The following ARHGAP28 variants were observed in gnomAD, a reference collection of about 807,000 sequenced individuals.
The protein encoded by ARHGAP28 is Rho GTPase activating protein 28, also known as rho GTPase-activating protein 28.
ARHGAP28 carries 56 observed loss-of-function variants against 90.7 expected under a neutral mutation model. That is an observed-to-expected ratio of 0.62 (90% CI 0.50 to 0.77). The LOEUF (loss-of-function observed/expected upper bound fraction) is 0.77, where lower values mean the gene tolerates loss of function less well. ARHGAP28 is among the 30% of genes least tolerant of loss of function. ARHGAP28 has a pLI of 0.00. For missense variants in ARHGAP28, 869 were observed against 900.9 expected (o/e 0.96, Z 0.45); for synonymous variants, 308 against 323.3 (o/e 0.95, Z 0.51).
chr18:6,850,791 C>A (rs912875027), intron 3 of ARHGAP28: 2 of 1,515,912 alleles, frequency 1.3e-6, no homozygotes, highest in South Asian at 1.2e-5. Flanking sequence ...TGGGTTTTGG[C>A]AGGAAGCTAG....
At chr18:6,898,455 G>A in intron 16 of ARHGAP28, 1 of 1,605,528 alleles carries the variant, frequency 6.2e-7, no homozygotes, top group Non-Finnish European at 8.5e-7. Flanking sequence ...CTGGCAGCGA[G>A]CTGCACTTTC....
At chr18:6,843,175 A>G (rs1009914080) in intron 3 of ARHGAP28, among the ~76,000 whole-genome samples, 8 of 151,940 alleles carry the variant, frequency 5.3e-5, no homozygotes, top group Non-Finnish European at 1.0e-4. Context: ...ATAAATTGCT[A>G]TATTTCCTTT....
intron 5 of ARHGAP28, among the ~76,000 whole-genome samples, chr18:6,867,813 T>C (rs2057049350): frequency 6.6e-6 from 1 of 152,214 alleles, no homozygotes; most frequent in African/African-American, 2.4e-5. Context: ...AATTTCTACA[T>C]CTTAGCAAAG....
intron 1 of ARHGAP28, among the ~76,000 whole-genome samples, chr18:6,796,482 T>C (rs56697203): frequency 0.19 from 28,963 of 151,982 alleles, 3,217 homozygotes; most frequent in African/African-American, 0.3. Flanking sequence ...TCTGTAACAA[T>C]AGCCGTTTTA....
chr18:6,841,720 C>T (rs973690846), intron 3 of ARHGAP28, among the ~76,000 whole-genome samples: 2 of 151,906 alleles, frequency 1.3e-5, no homozygotes, highest in Non-Finnish European at 2.9e-5. Context: ...CAATCCTGTT[C>T]CTTTACATAA....
intron 14 of ARHGAP28, 134 bp from the exon 15 acceptor site, chr18:6,894,701 A>T: frequency 1.5e-6 from 1 of 673,016 alleles, no homozygotes; most frequent in Non-Finnish European, 2.6e-6. Context: ...CTGTTGGATT[A>T]AAGTGCATAT....
At chr18:6,789,090 G>A (rs1020410879) in intron 1 of ARHGAP28, 10 of 152,224 alleles carry the variant, frequency 6.6e-5, no homozygotes, top group Admixed American at 3.3e-4. Flanking sequence ...AAATGCCGCA[G>A]TTCATGACTT....
intron 3 of ARHGAP28, among the ~76,000 whole-genome samples, chr18:6,846,713 T>C (rs959790960): frequency 6.6e-6 from 1 of 152,136 alleles, no homozygotes; most frequent in Non-Finnish European, 1.5e-5. Context: ...AGAGGGCAAG[T>C]CAGAGCAGAC....
intron 1 of ARHGAP28, among the ~76,000 whole-genome samples, chr18:6,813,386 T>TA (rs1345255920): frequency 6.6e-6 from 1 of 152,204 alleles, no homozygotes. Context: ...ACATAGCCAG[T>TA]GTATTTGGTC....
At chr18:6,879,482 A>G (rs1488461665) in intron 10 of ARHGAP28, among the ~76,000 whole-genome samples, 1 of 152,196 alleles carries the variant, frequency 6.6e-6, no homozygotes, top group African/African-American at 2.4e-5. Context: ...CTGAACCTCT[A>G]AGTGCTCCCC....
At chr18:6,827,604 C>T (rs2056679767) in intron 2 of ARHGAP28, among the ~76,000 whole-genome samples, 1 of 145,870 alleles carries the variant, frequency 6.9e-6, no homozygotes, top group Admixed American at 6.7e-5. Flanking sequence ...ACCCCCACCT[C>T]CCTCCGAGAC....
Position 6,890,412 on chromosome 18 carries a change from G to A in ARHGAP28, c.1735-18G>A, listed in dbSNP as rs7232990. On this transcript the variant is annotated intron_variant, in intron 13 of 17. Transcript: ENST00000383472. Reference sequence around the variant, plus strand: ...TTCAAGTGTTTTCCATCCAGTCCAAGCTATTTTTCTTCTCCAGGTTCCATC... The same window carrying A: ...TTCAAGTGTTTTCCATCCAGTCCAAACTATTTTTCTTCTCCAGGTTCCATC... 8.8e-4 allele frequency: 1,342 copies of A among 1,521,230 alleles called. 11 individuals carry two copies. In the African/African-American group the frequency reaches 0.017, roughly 19 times the overall value. The allele number at this position is 1,521,230 out of a possible 1,614,324, so 94.2% of individuals were successfully genotyped here.
chr18:6,746,863 A>G (rs1396081553), intron 1 of ARHGAP28, among the ~76,000 whole-genome samples: 1 of 152,242 alleles, frequency 6.6e-6, no homozygotes, highest in African/African-American at 2.4e-5. Context: ...CTGAAAACTT[A>G]ACCAGGGGTC....
rs979167223 is a variant in ARHGAP28, at chr18:6,912,385, T to C, written c.*231T>C. ...TTATAAAAGTAAAGGAAAGATGATG[T>C]GGTCCTTCCAGAAGAAAGACCAATC... On this transcript the variant is annotated 3_prime_UTR_variant, in exon 18 of 18. Coordinates refer to ENST00000383472, the MANE Select transcript of ARHGAP28 (RefSeq NM_001366230.1). 6.2e-5 allele frequency: 19 copies of C among 306,094 alleles called. No individual in the cohort carries two copies. The highest frequency in any genetic ancestry group is 4.1e-4 in the African/African-American group (19 of 46,768). The allele number at this position is 306,094 out of a possible 1,614,324, so 19.0% of individuals were successfully genotyped here.
chr18:6,847,719 C>A (rs2056877491), intron 3 of ARHGAP28, among the ~76,000 whole-genome samples: 2 of 151,480 alleles, frequency 1.3e-5, no homozygotes, highest in South Asian at 4.2e-4. Flanking sequence ...GCTTAAATAT[C>A]AAAAATACAT....
intron 1 of ARHGAP28, among the ~76,000 whole-genome samples, chr18:6,735,870 G>A (rs568390194): frequency 2.6e-5 from 4 of 152,102 alleles, no homozygotes; most frequent in East Asian, 1.9e-4. Flanking sequence ...ATGCATTTTC[G>A]ATGAGAAATC....
At chr18:6,748,765 TTA>T (rs2056045433) in intron 1 of ARHGAP28, among the ~76,000 whole-genome samples, 1 of 152,156 alleles carries the variant, frequency 6.6e-6, no homozygotes, top group Non-Finnish European at 1.5e-5. Context: ...TTACTGGAAA[TTA>T]TACAAATTGT....
chr18:6,854,180 G>A (rs2056933760), intron 4 of ARHGAP28, among the ~76,000 whole-genome samples: 1 of 151,984 alleles, frequency 6.6e-6, no homozygotes, highest in Non-Finnish European at 1.5e-5. Context: ...AACTTATATA[G>A]TAGAATTTCT....
At chr18:6,857,580 T>G (rs2056963698) in intron 4 of ARHGAP28, among the ~76,000 whole-genome samples, 1 of 152,124 alleles carries the variant, frequency 6.6e-6, no homozygotes, top group Non-Finnish European at 1.5e-5. Flanking sequence ...GAGGGAGAGC[T>G]TCTGACCATG....
Sources: allele counts gnomAD v4.1 joint callset (sites outside exome capture counted in the v4.1 genomes callset), GRCh38; gene constraint gnomAD v4.1.1; transcripts MANE v1.5; gene names NCBI Gene and HGNC (gene_info 2026-07-23, HGNC 2026-07-21).